SH3BP4: variants seen among roughly 807,000 people sequenced by gnomAD.
SH3BP4 encodes the protein SH3 domain-binding protein 4.
SH3BP4 carries 33 observed loss-of-function variants against 65.5 expected under a neutral mutation model. The ratio of observed to expected loss-of-function variants is 0.50; its 90% CI spans 0.38 to 0.67. The LOEUF is 0.67. Ranked by LOEUF, SH3BP4 falls within the 30% of genes least tolerant of loss-of-function variation. The pLI is 0.00. For missense variants in SH3BP4, 1,134 were observed against 1,261.4 expected (o/e 0.90, Z 1.53); for synonymous variants, 552 against 545.5 (o/e 1.01, Z -0.17).
At chr2:235,016,311 G>A (rs760570885) in intron 2 of SH3BP4, among the ~76,000 whole-genome samples, 7 of 152,180 alleles carry the variant, frequency 4.6e-5, no homozygotes, top group Non-Finnish European at 8.8e-5. Context: ...TTCTGTGTAA[G>A]AAGGGATTTG....
chr2:235,014,329 G>T (rs6756899), intron 2 of SH3BP4, among the ~76,000 whole-genome samples: 45,137 of 151,980 alleles, frequency 0.3, 10,401 homozygotes, highest in African/African-American at 0.63. Flanking sequence ...CCCTCTTTTT[G>T]GGGAGCTTAC....
At chr2:234,955,544 A>C (rs954416219) in intron 1 of SH3BP4, among the ~76,000 whole-genome samples, 1 of 152,072 alleles carries the variant, frequency 6.6e-6, no homozygotes, top group Admixed American at 6.5e-5. Flanking sequence ...AAGTCTCAAT[A>C]ATCAGTCTTC....
chr2:234,958,640 A>T (rs916630733), intron 1 of SH3BP4, among the ~76,000 whole-genome samples: 4 of 151,086 alleles, frequency 2.6e-5, no homozygotes, highest in Non-Finnish European at 5.9e-5. Context: ...AGCAGCTGGG[A>T]TGGGAGAACA....
rs1256538674 is a variant in SH3BP4, at chr2:234,977,820, C to T, written c.-206-17483C>T. Among the ~76,000 whole-genome samples, 1 of 152,140 alleles carries T rather than the reference C, an allele frequency of 6.6e-6. No homozygotes were observed. The highest frequency in any genetic ancestry group is 6.5e-5 in the Admixed American group (1 of 15,270). ...ACACACATGGGCACACACACACATG[C>T]GTGCACACACACGCAGACCCTGAGA... On this transcript the variant is annotated intron_variant, in intron 1 of 5. Coordinates refer to ENST00000392011, the MANE Select transcript of SH3BP4 (RefSeq NM_014521.3). The surrounding 1 kb of genome is among the most constrained non-coding windows in gnomAD (Gnocchi z 5.1).
At chr2:235,044,741 G>T (rs1230654944) in intron 4 of SH3BP4, among the ~76,000 whole-genome samples, 1 of 152,234 alleles carries the variant, frequency 6.6e-6, no homozygotes, top group East Asian at 1.9e-4. Context: ...AGGGTCACAT[G>T]TGGCACATAC....
chr2:235,037,802 C>T (rs571782243), intron 3 of SH3BP4, among the ~76,000 whole-genome samples: 1 of 152,340 alleles, frequency 6.6e-6, no homozygotes, highest in South Asian at 2.1e-4. Flanking sequence ...CTGGCCTCAG[C>T]CTGACCCACA....
In SH3BP4 at chr2:235,041,857, C is replaced by G; in HGVS notation, c.1088C>G (p.Pro363Arg). Reference sequence around the variant, plus strand: ...TCCATGAAAGCCCTGCTGGACCCCCCGCTGGAGCTCAACAGTGACAGGTCC... The same window carrying G: ...TCCATGAAAGCCCTGCTGGACCCCCGGCTGGAGCTCAACAGTGACAGGTCC... ...QISMKALLDP[P>R]LELNSDRSCS... The change falls in exon 4 of 6, where the codon CCG becomes CGG. Residue 363 changes from proline (P) to arginine (R), a missense_variant. Coordinates refer to ENST00000392011, the MANE Select transcript of SH3BP4 (RefSeq NM_014521.3). The surrounding 1 kb of genome is among the most constrained non-coding windows in gnomAD (Gnocchi z 6.0). 1.2e-6 allele frequency: 2 copies of G among 1,608,630 alleles called. No homozygotes were observed. The highest frequency in any genetic ancestry group is 1.7e-6 in the Non-Finnish European group (2 of 1,176,594).
At chr2:235,020,456 C>G (rs1694818597) in intron 2 of SH3BP4, among the ~76,000 whole-genome samples, 1 of 152,068 alleles carries the variant, frequency 6.6e-6, no homozygotes, top group Admixed American at 6.6e-5. Flanking sequence ...GAAATTGTAC[C>G]ACTGCACTCT....
intron 4 of SH3BP4, among the ~76,000 whole-genome samples, chr2:235,048,817 C>G (rs1695958523): frequency 6.6e-6 from 1 of 152,178 alleles, no homozygotes. Context: ...GTTCAGTCAC[C>G]CTGACTGAAA....
rs564765233 is a variant in SH3BP4, at chr2:235,043,394, G to A, written c.2478+147G>A. 27 of 572,180 alleles carry A rather than the reference G, an allele frequency of 4.7e-5. 1 individual carries two copies. The highest frequency in any genetic ancestry group is 3.6e-4 in the South Asian group (14 of 38,854). The allele number at this position is 572,180 out of a possible 1,614,324, so 35.4% of individuals were successfully genotyped here. A position where few individuals can be genotyped will look rare whatever the true frequency, so the allele number is the denominator to read the frequency against. On this transcript the variant is annotated intron_variant, in intron 4 of 5. Transcript: ENST00000392011. ...ATGTCCCGCTGCCTGAGATAGGTGC[G>A]GCTCAGCACAGCCTTTCGCCTTCCC...
Position 235,046,867 on chromosome 2 carries a change from C to G in SH3BP4, c.2478+3620C>G, listed in dbSNP as rs1174992982. ...TGTGGTTCCATTTCCTCTTTCCATT[C>G]TTTTTGTGCCTGTTTTTGATAGAGT... is the stretch of plus-strand genomic sequence containing the variant. On this transcript the variant is annotated intron_variant, in intron 4 of 5. Coordinates refer to ENST00000392011, the MANE Select transcript of SH3BP4 (RefSeq NM_014521.3). The surrounding 1 kb of genome is among the most constrained non-coding windows in gnomAD (Gnocchi z 4.2). Among the ~76,000 whole-genome samples the G allele has an allele frequency of 6.6e-6, 1 of 152,142 alleles. No homozygotes were observed. Among genetic ancestry groups the G allele is most frequent in the Non-Finnish European group, 1.5e-5 (1 of 68,030 alleles).
At chr2:234,959,008 G>A (rs546273273) in intron 1 of SH3BP4, among the ~76,000 whole-genome samples, 2 of 152,202 alleles carry the variant, frequency 1.3e-5, no homozygotes, top group South Asian at 4.1e-4. Flanking sequence ...ATGCTGAGAG[G>A]GAAGCATTGG....
chr2:234,986,574 G>A (rs1693566465), intron 1 of SH3BP4, among the ~76,000 whole-genome samples: 1 of 152,086 alleles, frequency 6.6e-6, no homozygotes, highest in Non-Finnish European at 1.5e-5. Flanking sequence ...GGATTGTTCT[G>A]TTTGTGTTTG....
chr2:235,050,270 C>T (rs1236733062), intron 4 of SH3BP4, among the ~76,000 whole-genome samples: 1 of 152,128 alleles, frequency 6.6e-6, no homozygotes, highest in Non-Finnish European at 1.5e-5. Flanking sequence ...TGCCCGCCAC[C>T]ACACCCGGCT....
chr2:235,037,726 A>G (rs759585914), intron 3 of SH3BP4, among the ~76,000 whole-genome samples: 2 of 152,158 alleles, frequency 1.3e-5, no homozygotes, highest in Non-Finnish European at 2.9e-5. Context: ...AGGAGATAAA[A>G]TGGTTTATAT....
chr2:234,971,420 G>A (rs528913435), intron 1 of SH3BP4, among the ~76,000 whole-genome samples: 15 of 152,146 alleles, frequency 9.9e-5, no homozygotes, highest in African/African-American at 1.4e-4. Context: ...GTTGTACCTC[G>A]TGGCTATTGC....
intron 2 of SH3BP4, among the ~76,000 whole-genome samples, chr2:235,027,362 G>A (rs1193438012): frequency 2.9e-5 from 4 of 136,210 alleles, no homozygotes; most frequent in Admixed American, 2.2e-4. Context: ...AGGCCCCGAA[G>A]GCTTCTCCAC....
At chr2:235,024,012 A>T (rs182723778) in intron 2 of SH3BP4, among the ~76,000 whole-genome samples, 52 of 152,282 alleles carry the variant, frequency 3.4e-4, no homozygotes, top group African/African-American at 1.1e-3. Context: ...GTCCCCTCTC[A>T]TTTTCTTAAT....
intron 1 of SH3BP4, chr2:234,981,707 C>T (rs1192300611): frequency 2.0e-5 from 3 of 151,660 alleles, no homozygotes; most frequent in Non-Finnish European, 4.4e-5. Context: ...GGTGAAGTCA[C>T]GACTGACTTT....
Sources: gnomAD v4.1 joint callset for allele counts (sites outside exome capture counted in the v4.1 genomes callset) on GRCh38, gnomAD v4.1.1 for gene constraint, Gnocchi (gnomAD v3.1) non-coding constraint, MANE v1.5 for transcripts, NCBI Gene and HGNC (gene_info 2026-07-23, HGNC 2026-07-21) for gene names.